Variants in UQCC1 observed in about 807,000 individuals in gnomAD.
UQCC1 encodes ubiquinol-cytochrome c reductase complex assembly factor 1.
In UQCC1, 38 loss-of-function variants were observed where a neutral mutation model predicts 48.0. The ratio of observed to expected loss-of-function variants is 0.79; its 90% confidence interval spans 0.61 to 1.04. The LOEUF (loss-of-function observed/expected upper bound fraction) is 1.04. UQCC1 is among the 50% of genes least tolerant of loss of function. UQCC1 has a pLI of 0.00. For synonymous variants in UQCC1, 111 were observed against 129.2 expected, an observed-to-expected ratio of 0.86 and a Z score of 0.95; for missense variants, 368 against 381.8, an observed-to-expected ratio of 0.96 and a Z score of 0.30.
rs561221551 is a variant in UQCC1, at chr20:35,350,570, G to A, written c.465-3298C>T. Among the ~76,000 whole-genome samples the A allele has an allele frequency of 8.0e-4, 122 of 151,728 alleles. 1 individual carries two copies. Among genetic ancestry groups the A allele is most frequent in the South Asian group, 5.0e-3 (24 of 4,808 alleles). ...AAATTAGCCAGGTGTGGTGGTGTGC[G>A]CTTGTAATCCAGCTACTCCAGAGGC... On this transcript the variant is annotated intron_variant, in intron 6 of 9. Coordinates refer to ENST00000374385, the MANE Select transcript of UQCC1 (RefSeq NM_018244.5).
chr20:35,376,504 G>A (rs2061801596), intron 4 of UQCC1, among the ~76,000 whole-genome samples: 1 of 152,068 alleles, frequency 6.6e-6, no homozygotes, highest in East Asian at 1.9e-4. Flanking sequence ...TAGATGAAAT[G>A]GACAAATTCC....
intron 7 of UQCC1, among the ~76,000 whole-genome samples, chr20:35,337,921 C>T (rs1257788384): frequency 2.0e-5 from 3 of 152,034 alleles, no homozygotes; most frequent in African/African-American, 4.8e-5. Flanking sequence ...ATCTAGGTGT[C>T]TCCTGAATTC....
intron 7 of UQCC1, among the ~76,000 whole-genome samples, chr20:35,316,670 G>C (rs1288978671): frequency 6.6e-6 from 1 of 152,056 alleles, no homozygotes; most frequent in South Asian, 2.1e-4. Context: ...ACAGAGTCTC[G>C]CTCTGTCACC....
chr20:35,399,096 T>C (rs1277706728), intron 1 of UQCC1, among the ~76,000 whole-genome samples: 1 of 152,122 alleles, frequency 6.6e-6, no homozygotes, highest in Admixed American at 6.6e-5. Flanking sequence ...CATTTTCCCT[T>C]ATGAAAAATG....
chr20:35,365,243 A>G (rs751065947), intron 6 of UQCC1, among the ~76,000 whole-genome samples: 2 of 152,204 alleles, frequency 1.3e-5, no homozygotes, highest in Non-Finnish European at 2.9e-5. Context: ...CTGATTTATA[A>G]TTGACCATTT....
At chr20:35,338,876 A>ATATATATATATAT (rs1417579425) in intron 7 of UQCC1, among the ~76,000 whole-genome samples, 2 of 58,480 alleles carry the variant, frequency 3.4e-5, no homozygotes, top group African/African-American at 2.1e-4. Context: ...AAAAAAAAAA[A>ATATATATATATAT]AAAAAAAAAA....
At chr20:35,357,962 A>G (rs1227150784) in intron 6 of UQCC1, among the ~76,000 whole-genome samples, 1 of 152,214 alleles carries the variant, frequency 6.6e-6, no homozygotes, top group Non-Finnish European at 1.5e-5. Context: ...TCATAATGTC[A>G]GACCTCTGTT....
chr20:35,309,983 T>C (rs2060972261), intron 8 of UQCC1, among the ~76,000 whole-genome samples: 1 of 152,238 alleles, frequency 6.6e-6, no homozygotes. Flanking sequence ...AGCTACACTC[T>C]ACATGGCTGC....
intron 9 of UQCC1, among the ~76,000 whole-genome samples, chr20:35,305,721 C>A (rs2060921120): frequency 6.6e-6 from 1 of 152,264 alleles, no homozygotes; most frequent in South Asian, 2.1e-4. Flanking sequence ...CCTGTCTTCT[C>A]AAGAGCTGAA....
At chr20:35,388,522 C>G (rs909081627) in intron 2 of UQCC1, among the ~76,000 whole-genome samples, 2 of 152,036 alleles carry the variant, frequency 1.3e-5, no homozygotes, top group African/African-American at 4.8e-5. Context: ...AAACAATCCT[C>G]CCACCTTGGC....
chr20:35,377,351 T>A lies in UQCC1; in HGVS notation c.334-3095A>T, dbSNP rs576533975. Among the ~76,000 whole-genome samples, 63 of 152,382 alleles carry A rather than the reference T, an allele frequency of 4.1e-4. 1 individual carries two copies. Among genetic ancestry groups the A allele is most frequent in the African/African-American group, 1.5e-3 (63 of 41,592 alleles). ...TGTTAACACTTGCAGTTCTAGGAAG[T>A]ATCTGACCACAGAACACATCTTGGG... On this transcript the variant is annotated intron_variant, in intron 4 of 9. Transcript: ENST00000374385.
At chr20:35,386,244 C>G in intron 2 of UQCC1, 1 of 382,884 alleles carries the variant, frequency 2.6e-6, no homozygotes, top group Non-Finnish European at 5.1e-6. Context: ...AAAAAAAAAT[C>G]TAGTTTCCAA....
chr20:35,328,005 A>G (rs377195864), intron 7 of UQCC1, among the ~76,000 whole-genome samples: 5 of 120,662 alleles, frequency 4.1e-5, no homozygotes, highest in Non-Finnish European at 8.5e-5. Context: ...TGTCTCACAA[A>G]AAAAGGAAAA....
intron 1 of UQCC1, 42 bp downstream of exon 1, chr20:35,411,898 G>A (rs759634994): frequency 8.7e-6 from 14 of 1,613,758 alleles, no homozygotes; most frequent in Admixed American, 5.0e-5. Flanking sequence ...ACTCCAACCC[G>A]GGACCCAGAG....
At position 35,314,709 on chromosome 20, in the gene UQCC1, T is replaced by C. The variant is rs142726820; in HGVS notation, c.630A>G (p.Ala210=). ...NMILMTNHFY[A]AILGYDEGIL... The stretch of plus-strand genomic sequence containing the variant: ...TTACCTCATCATATCCCAAGATCGC[T>C]GCATAGAAATGATTTGTCATGAGGA... The change falls in exon 8 of 10, where the codon GCA becomes GCG. Residue 210 remains alanine (A), a synonymous_variant. Transcript: ENST00000374385. 2.1e-5 allele frequency: 33 copies of C among 1,608,798 alleles called. No individual in the cohort carries two copies. The African/African-American group carries it at 3.5e-4, about 17-fold the overall frequency.
chr20:35,384,607 A>C (rs1343145007), intron 2 of UQCC1: 1 of 449,464 alleles, frequency 2.2e-6, no homozygotes, highest in East Asian at 7.1e-5. Context: ...ACACCACTGC[A>C]CTTCAACCTG....
intron 7 of UQCC1, among the ~76,000 whole-genome samples, chr20:35,324,804 C>A (rs1027243347): frequency 2.0e-5 from 3 of 152,202 alleles, no homozygotes; most frequent in African/African-American, 4.8e-5. Context: ...GAACATAGAA[C>A]TACCATATAG....
chr20:35,391,205 TA>T, intron 2 of UQCC1, among the ~76,000 whole-genome samples: 1 of 148,912 alleles, frequency 6.7e-6, no homozygotes, highest in Non-Finnish European at 1.5e-5. Context: ...AAAAAATGAA[TA>T]AAAAATAAAA....
At chr20:35,338,886 A>ATATATATATAT (rs1448648931) in intron 7 of UQCC1, among the ~76,000 whole-genome samples, 3 of 56,728 alleles carry the variant, frequency 5.3e-5, no homozygotes, top group South Asian at 6.9e-4. Flanking sequence ...AAAAAAAAAA[A>ATATATATATAT]AAAAAAATAT....
Sources: allele counts gnomAD v4.1 joint callset (sites outside exome capture counted in the v4.1 genomes callset), GRCh38; gene constraint gnomAD v4.1.1; transcripts MANE v1.5; gene names NCBI Gene and HGNC (gene_info 2026-07-23, HGNC 2026-07-21).